The following DNAJC11 variants were observed in gnomAD, a reference collection of about 807,000 sequenced individuals.
DNAJC11 encodes DnaJ heat shock protein family (Hsp40) member C11, also known as dnaJ homolog subfamily C member 11.
Under a neutral mutation model 78.6 loss-of-function variants are expected in DNAJC11, and 15 were observed. That is an observed-to-expected ratio of 0.19 (90% CI 0.13 to 0.29). The LOEUF is 0.29. DNAJC11 is among the 10% of genes least tolerant of loss of function. DNAJC11 has a pLI of 1.00. For missense variants in DNAJC11, 547 were observed against 709.6 expected (o/e 0.77, Z 2.60); for synonymous variants, 292 against 272.1 (o/e 1.07, Z -0.72).
At chr1:6,679,989 C>G (rs1286528536) in intron 2 of DNAJC11, among the ~76,000 whole-genome samples, 2 of 152,208 alleles carry the variant, frequency 1.3e-5, no homozygotes, top group African/African-American at 4.8e-5. Flanking sequence ...CTGATTTTCA[C>G]TGGCCATTAA....
At position 6,680,997 on chromosome 1, in the gene DNAJC11, C is replaced by G; in HGVS notation, c.113G>C (p.Cys38Ser). ...GTGCTTGTCTGGATGGTAGAGCATA[C>G]AGAGCCTCCGGTAGGCAGCTTTCAG... The part of the protein sequence containing the change: ...EELKAAYRRL[C>S]MLYHPDKHRD... The change falls in exon 2 of 16, where the codon TGT becomes TCT. Residue 38 changes from cysteine to serine, a missense_variant. By Grantham distance (112) the Cys-to-Ser change is moderately radical. Coordinates refer to ENST00000377577, the MANE Select transcript of DNAJC11 (RefSeq NM_018198.4). The surrounding 1 kb of genome is among the most constrained non-coding windows in gnomAD (Gnocchi z 4.0). 6.2e-7 allele frequency: 1 copy of G among 1,613,970 alleles called. No individual in the cohort carries two copies.
chr1:6,668,615 G>A (rs1277409064), intron 3 of DNAJC11, among the ~76,000 whole-genome samples: 1 of 151,974 alleles, frequency 6.6e-6, no homozygotes, highest in Non-Finnish European at 1.5e-5. Context: ...TTCTGTTGTT[G>A]TAGAAACGGG....
At chr1:6,678,927 G>A (rs1642512600) in intron 2 of DNAJC11, among the ~76,000 whole-genome samples, 1 of 152,158 alleles carries the variant, frequency 6.6e-6, no homozygotes, top group Non-Finnish European at 1.5e-5. Flanking sequence ...GGGATTACAG[G>A]TGTGAGCCAC....
At chr1:6,637,077 TG>T in intron 14 of DNAJC11, 120 bp downstream of exon 14, 3 of 1,333,364 alleles carry the variant, frequency 2.2e-6, no homozygotes, top group Non-Finnish European at 3.1e-6. Flanking sequence ...CTTGAACTCC[TG>T]GGCTCAAGCA....
chr1:6,638,417 A>G (rs1641821102), intron 11 of DNAJC11, 53 bp from the exon 12 acceptor site: 2 of 1,562,672 alleles, frequency 1.3e-6, no homozygotes, highest in Non-Finnish European at 1.7e-6. Flanking sequence ...CCCAGCTTCC[A>G]GCCAACACAG....
intron 9 of DNAJC11, 88 bp from the exon 10 acceptor site, chr1:6,644,762 C>T (rs2148729899): frequency 8.7e-7 from 1 of 1,148,826 alleles, no homozygotes; most frequent in East Asian, 2.4e-5. Context: ...AGGTACCTTC[C>T]CTTCCCTCCC....
chr1:6,657,354 C>T (rs1190357335), intron 4 of DNAJC11, among the ~76,000 whole-genome samples: 2 of 152,172 alleles, frequency 1.3e-5, no homozygotes, highest in African/African-American at 4.8e-5. Context: ...GCGATGCCAG[C>T]CACCTCCGCT....
chr1:6,641,986 T>C (rs145801532), intron 10 of DNAJC11, among the ~76,000 whole-genome samples: 15 of 152,268 alleles, frequency 9.9e-5, no homozygotes, highest in African/African-American at 3.6e-4. Flanking sequence ...TACTATGTTA[T>C]ACAAGGTGAA....
chr1:6,652,961 G>A lies in DNAJC11; in HGVS notation c.508-10C>T, dbSNP rs897541583. ...TCGCTGTCAAGGGTGCCTAAAAATG[G>A]TATTTGCTGGTAATGAATGAATCAA... On this transcript the variant is annotated splice_polypyrimidine_tract_variant and intron_variant, in intron 5 of 15. Coordinates refer to ENST00000377577, the MANE Select transcript of DNAJC11 (RefSeq NM_018198.4). The A allele has an allele frequency of 1.2e-6, 2 of 1,613,760 alleles. No homozygotes were observed. The highest frequency in any genetic ancestry group is 1.3e-5 in the African/African-American group (1 of 74,900).
chr1:6,650,984 T>C (rs750152968), intron 7 of DNAJC11: 3 of 501,288 alleles, frequency 6.0e-6, no homozygotes, highest in Non-Finnish European at 1.3e-5. Flanking sequence ...CCAATTCTTT[T>C]ATCTGAGCTC....
intron 1 of DNAJC11, among the ~76,000 whole-genome samples, chr1:6,691,034 A>G (rs1642736552): frequency 6.6e-6 from 1 of 152,212 alleles, no homozygotes; most frequent in Non-Finnish European, 1.5e-5. Context: ...CAATTCTAAA[A>G]AGTTTCTACA....
chr1:6,690,857 C>A (rs1289313298), intron 1 of DNAJC11, among the ~76,000 whole-genome samples: 1 of 152,096 alleles, frequency 6.6e-6, no homozygotes, highest in Non-Finnish European at 1.5e-5. Flanking sequence ...AAACAAAAAC[C>A]CTGAATTCTA....
chr1:6,672,907 A>C (rs1642402182), intron 3 of DNAJC11, among the ~76,000 whole-genome samples: 2 of 152,164 alleles, frequency 1.3e-5, no homozygotes, highest in South Asian at 4.1e-4. Context: ...TGTTCACTGG[A>C]GCATTCACCA....
Position 6,639,971 on chromosome 1 carries a change from C to T in DNAJC11, c.1184G>A (p.Gly395Glu). Residue 395 changes from glycine (G) to glutamate (E), a missense_variant, in exon 11 of 16, where the codon GGG (glycine) becomes GAG (glutamate). By Grantham distance (98) the Gly-to-Glu change is moderately conservative. Transcript: ENST00000377577. ...LPSAMFYATV[G>E]PLVVYFAMHR... The stretch of plus-strand genomic sequence containing the variant: ...CATGGCAAAGTAGACCACTAGAGGC[C>T]CCACGGTGGCATAGAACATGGCGCT... 1 of 1,613,618 alleles carries T rather than the reference C, an allele frequency of 6.2e-7. No homozygotes were observed. Among genetic ancestry groups the T allele is most frequent in the Non-Finnish European group, 8.5e-7 (1 of 1,179,956 alleles).
At chr1:6,682,878 C>CT (rs1642575718) in intron 1 of DNAJC11, among the ~76,000 whole-genome samples, 1 of 152,084 alleles carries the variant, frequency 6.6e-6, no homozygotes, top group Admixed American at 6.5e-5. Flanking sequence ...TGAGCTATGA[C>CT]TGCACCACTG....
Position 6,634,317 on chromosome 1 carries a change from C to A in DNAJC11, c.*1358G>T. On this transcript the variant is annotated 3_prime_UTR_variant, in exon 16 of 16. Coordinates refer to ENST00000377577, the MANE Select transcript of DNAJC11 (RefSeq NM_018198.4). ...TCATGCAACACGACGCTCACCGCGG[C>A]TCGGGCCGTGGGGCCGTCAGAGAAA... 9.9e-7 allele frequency: 1 copy of A among 1,006,226 alleles called. No individual in the cohort carries two copies. The highest frequency in any genetic ancestry group is 1.4e-6 in the Non-Finnish European group (1 of 711,524). The allele number at this position is 1,006,226 out of a possible 1,614,324, so 62.3% of individuals were successfully genotyped here.
chr1:6,696,680 A>G (rs1163460182), intron 1 of DNAJC11, among the ~76,000 whole-genome samples: 1 of 152,224 alleles, frequency 6.6e-6, no homozygotes, highest in East Asian at 1.9e-4. Context: ...ATACTTTTGT[A>G]CTTCTAGTTT....
intron 12 of DNAJC11, chr1:6,638,068 G>C (rs896498326): frequency 8.8e-6 from 4 of 455,166 alleles, no homozygotes; most frequent in Non-Finnish European, 1.6e-5. Context: ...GGAAGAAAAA[G>C]AGGCCAATAC....
chr1:6,639,991 G>A lies in DNAJC11; in HGVS notation c.1164C>T (p.Ala388=). 6.2e-7 allele frequency: 1 copy of A among 1,613,626 alleles called. No homozygotes were observed. Among genetic ancestry groups the A allele is most frequent in the South Asian group, 1.1e-5 (1 of 91,050 alleles). The change falls in exon 11 of 16, where the codon GCC becomes GCT. Residue 388 remains alanine (A), a synonymous_variant. Coordinates refer to ENST00000377577, the MANE Select transcript of DNAJC11 (RefSeq NM_018198.4). ...GAGGCCCCACGGTGGCATAGAACAT[G>A]GCGCTGGGCAGAAGCTGGTCCGTCA... ...IHLTDQLLPS[A]MFYATVGPLV...
Sources: allele counts gnomAD v4.1 joint callset (sites outside exome capture counted in the v4.1 genomes callset), GRCh38; gene constraint gnomAD v4.1.1; non-coding constraint Gnocchi (gnomAD v3.1); transcripts MANE v1.5; gene names NCBI Gene and HGNC (gene_info 2026-07-23, HGNC 2026-07-21).